Variants in VPS13D observed in about 807,000 individuals in gnomAD.
VPS13D encodes intermembrane lipid transfer protein VPS13D.
VPS13D carries 187 observed loss-of-function variants against 461.9 expected under a neutral mutation model. That is an observed-to-expected ratio of 0.40 (90% CI 0.36 to 0.46). VPS13D has a LOEUF of 0.46. VPS13D is among the 20% of genes least tolerant of loss of function. The pLI is 0.60. For missense variants in VPS13D, 4,711 were observed against 5,364.9 expected (o/e 0.88, Z 3.81); for synonymous variants, 1,951 against 1,986.3 (o/e 0.98, Z 0.47).
chr1:12,330,028 G>C, intron 37 of VPS13D, 110 bp downstream of exon 37: 24 of 366,392 alleles, frequency 6.6e-5, no homozygotes, highest in East Asian at 4.7e-4. Context: ...GGTGGGGTGG[G>C]ACGGGGAAAG....
At chr1:12,267,954 T>A (rs764410689) in intron 15 of VPS13D, 34 bp downstream of exon 15, 1 of 1,536,288 alleles carries the variant, frequency 6.5e-7, no homozygotes, top group South Asian at 1.2e-5. Flanking sequence ...TTAAAATTTT[T>A]AAATTTTTTA....
chr1:12,310,857 T>TTCCTTCCC (rs1360748993), intron 27 of VPS13D, among the ~76,000 whole-genome samples: 13,839 of 71,648 alleles, frequency 0.19, 1,861 homozygotes, highest in Middle Eastern at 0.32. Context: ...CCCTCCTTCC[T>TTCCTTCCC]TCCTTCCCTC....
chr1:12,368,339 T>C, intron 52 of VPS13D, 129 bp from the exon 53 acceptor site: 2 of 1,071,020 alleles, frequency 1.9e-6, no homozygotes, highest in Non-Finnish European at 2.6e-6. Context: ...GAACACACAG[T>C]GGGCTGTAAG....
In VPS13D at chr1:12,322,695, G is replaced by A. The variant is rs368084184; in HGVS notation, c.7864G>A (p.Val2622Ile). The change falls in exon 34 of 70, where the codon GTT becomes ATT. Residue 2622 changes from valine (V) to isoleucine (I), a missense_variant. Transcript: ENST00000620676. The part of the protein sequence containing the change: ...VGTYLPGASR[V>I]GEEIREGTRH... ...CACTTACCTTCCAGGTGCATCTCGCGTTGGAGAGGAAATCAGAGAAGGGAC... is the reference window on the plus strand; with the variant it reads ...CACTTACCTTCCAGGTGCATCTCGCATTGGAGAGGAAATCAGAGAAGGGAC... The A allele has an allele frequency of 8.7e-6, 14 of 1,614,060 alleles. No homozygotes were observed. The highest frequency in any genetic ancestry group is 2.2e-5 in the East Asian group (1 of 44,898).
At chr1:12,292,732 C>T (rs887708748) in intron 23 of VPS13D, among the ~76,000 whole-genome samples, 14 of 152,072 alleles carry the variant, frequency 9.2e-5, no homozygotes, top group African/African-American at 2.4e-4. Context: ...AGCCACCGTG[C>T]CTGGCCAGTG....
At chr1:12,263,567 G>A (rs1187320711) in intron 13 of VPS13D, among the ~76,000 whole-genome samples, 13 of 152,156 alleles carry the variant, frequency 8.5e-5, no homozygotes, top group Admixed American at 8.5e-4. Context: ...TAAATATGCA[G>A]ATGTTTTTGT....
At chr1:12,503,656 G>T (rs1336119561) in intron 68 of VPS13D, among the ~76,000 whole-genome samples, 1 of 152,168 alleles carries the variant, frequency 6.6e-6, no homozygotes, top group Non-Finnish European at 1.5e-5. Context: ...TGTGTTTCTG[G>T]CTGCATTTTT....
chr1:12,240,582 C>T (rs867326539), intron 2 of VPS13D, among the ~76,000 whole-genome samples: 5 of 109,484 alleles, frequency 4.6e-5, no homozygotes, highest in East Asian at 5.4e-4. Context: ...GCGACAAAAG[C>T]GAGATTCCAT....
At chr1:12,423,125 A>G (rs1193859652) in intron 65 of VPS13D, among the ~76,000 whole-genome samples, 1 of 152,192 alleles carries the variant, frequency 6.6e-6, no homozygotes, top group African/African-American at 2.4e-5. Flanking sequence ...GGCAATTGCA[A>G]CCATGGTTTT....
chr1:12,484,503 G>C (rs2100499375), intron 67 of VPS13D, among the ~76,000 whole-genome samples: 1 of 152,352 alleles, frequency 6.6e-6, no homozygotes, highest in South Asian at 2.1e-4. Context: ...AGTTGACCAA[G>C]TACATCAAGA....
intron 66 of VPS13D, among the ~76,000 whole-genome samples, chr1:12,459,792 A>T (rs1411543970): frequency 6.6e-6 from 1 of 151,864 alleles, no homozygotes; most frequent in Non-Finnish European, 1.5e-5. Context: ...CTTATATTTC[A>T]TAGGATGCCA....
intron 65 of VPS13D, among the ~76,000 whole-genome samples, chr1:12,450,454 G>A (rs759614847): frequency 3.9e-5 from 6 of 152,192 alleles, no homozygotes; most frequent in Non-Finnish European, 7.3e-5. Flanking sequence ...CTGACTTGTG[G>A]TGGTTTAACT....
rs1645948762 is a variant in VPS13D at position 12,495,775 on chromosome 1, A to C, written c.12663-1725A>C. On this transcript the variant is annotated intron_variant, in intron 67 of 69. Coordinates refer to ENST00000620676, the MANE Select transcript of VPS13D (RefSeq NM_015378.4). The surrounding 1 kb of genome is among the most constrained non-coding windows in gnomAD (Gnocchi z 4.0). Reference sequence around the variant, plus strand: ...GCTTCTACCATGTAGCCTGACAGAGAGGTCAGCAGGACTGCCCTGGGGAAA... The same window carrying C: ...GCTTCTACCATGTAGCCTGACAGAGCGGTCAGCAGGACTGCCCTGGGGAAA... Among the ~76,000 whole-genome samples, 2 of 152,126 alleles carry C rather than the reference A, an allele frequency of 1.3e-5. No homozygotes were observed. Among genetic ancestry groups the C allele is most frequent in the Non-Finnish European group, 2.9e-5 (2 of 68,018 alleles).
intron 47 of VPS13D, among the ~76,000 whole-genome samples, chr1:12,354,552 T>C (rs963898422): frequency 3.9e-5 from 6 of 151,920 alleles, no homozygotes; most frequent in South Asian, 2.1e-4. Flanking sequence ...AAAGAACTTA[T>C]AGAAAAGGAT....
intron 62 of VPS13D, chr1:12,402,720 G>T (rs1168653073): frequency 6.6e-6 from 1 of 152,174 alleles, no homozygotes; most frequent in Non-Finnish European, 1.5e-5. Context: ...TTCTGTTTTG[G>T]TACCTTCCTG....
chr1:12,435,728 T>C (rs1452515216), intron 65 of VPS13D, among the ~76,000 whole-genome samples: 1 of 151,680 alleles, frequency 6.6e-6, no homozygotes, highest in African/African-American at 2.4e-5. Context: ...GTAGGCTTCA[T>C]TCTCGAACCT....
rs1248947271 is a variant in VPS13D at position 12,356,513 on chromosome 1, G to A, written c.9987G>A (p.Glu3329=). 3.1e-6 allele frequency: 5 copies of A among 1,613,442 alleles called. No homozygotes were observed. Among genetic ancestry groups the A allele is most frequent in the Non-Finnish European group, 3.4e-6 (4 of 1,179,870 alleles). The change falls in exon 49 of 70, where the codon GAG becomes GAA. Residue 3329 remains glutamate (E), a synonymous_variant. Coordinates refer to ENST00000620676, the MANE Select transcript of VPS13D (RefSeq NM_015378.4). ...SPLLFCYADK[E]QPNLCTMRIG... ...TCTTATTCTGCTATGCTGACAAAGA[G>A]CAGCCAAACCTGTGAGTACAGTTAT...
At chr1:12,470,098 C>G (rs1645542847) in intron 67 of VPS13D, among the ~76,000 whole-genome samples, 1 of 152,180 alleles carries the variant, frequency 6.6e-6, no homozygotes, top group Non-Finnish European at 1.5e-5. Flanking sequence ...CAATTCCTAG[C>G]AGATTTCCCC....
At chr1:12,461,297 T>C (rs1242435812) in intron 67 of VPS13D, among the ~76,000 whole-genome samples, 3 of 152,118 alleles carry the variant, frequency 2.0e-5, no homozygotes, top group Admixed American at 2.0e-4. Flanking sequence ...CTCCCTCAAA[T>C]AGGATGTGAA....
Sources: allele counts gnomAD v4.1 joint callset (sites outside exome capture counted in the v4.1 genomes callset), GRCh38; gene constraint gnomAD v4.1.1; non-coding constraint Gnocchi (gnomAD v3.1); transcripts MANE v1.5; gene names NCBI Gene and HGNC (gene_info 2026-07-23, HGNC 2026-07-21).